NTRK2: variants seen among roughly 807,000 people sequenced by gnomAD.
NTRK2 encodes the protein BDNF/NT-3 growth factors receptor.
NTRK2 carries 13 observed loss-of-function variants against 94.5 expected under a neutral mutation model. The observed-to-expected ratio is 0.14, with a 90% CI of 0.09 to 0.22. The LOEUF is 0.22. Ranked by LOEUF, NTRK2 falls within the 10% of genes least tolerant of loss-of-function variation. The pLI is 1.00. For synonymous variants in NTRK2, 372 were observed against 407.4 expected (o/e 0.91, Z 1.05); for missense variants, 639 against 1,071.2 (o/e 0.60, Z 5.63).
chr9:84,709,696 G>T (rs1168656025), intron 5 of NTRK2, among the ~76,000 whole-genome samples: 1 of 152,146 alleles, frequency 6.6e-6, no homozygotes, highest in Admixed American at 6.5e-5. Context: ...TCTATGTAAC[G>T]ATTTTAAATG....
At chr9:84,872,312 C>G in intron 14 of NTRK2, 1 of 1,109,778 alleles carries the variant, frequency 9.0e-7, no homozygotes, top group Non-Finnish European at 1.1e-6. Context: ...CAAACAGAAA[C>G]AAAACATACT....
rs1188873587 is a variant in NTRK2 at position 84,973,510 on chromosome 9, A to G, written c.2172+17993A>G. Among the ~76,000 whole-genome samples the G allele has an allele frequency of 2.0e-5, 3 of 152,328 alleles. No individual in the cohort carries two copies. The East Asian group carries it at 5.8e-4, about 29-fold the overall frequency. On this transcript the variant is annotated intron_variant, in intron 17 of 18. Coordinates refer to ENST00000277120, the MANE Select transcript of NTRK2 (RefSeq NM_006180.6). The stretch of plus-strand genomic sequence containing the variant: ...CCTTGAACAGGTTCCTCATTCTCAA[A>G]AACAGACCCCAAAACCCTTTCAAAT...
intron 12 of NTRK2, among the ~76,000 whole-genome samples, chr9:84,825,495 T>C (rs146296893): frequency 9.9e-5 from 15 of 152,276 alleles, no homozygotes; most frequent in Middle Eastern, 3.4e-3. Flanking sequence ...CCTCAACTTA[T>C]TGATTGGGTG....
chr9:84,725,682 G>A (rs927746717), intron 8 of NTRK2, among the ~76,000 whole-genome samples: 4 of 148,494 alleles, frequency 2.7e-5, no homozygotes, highest in African/African-American at 9.8e-5. Flanking sequence ...ATATGCATAT[G>A]TATAATATAT....
rs560379787 is a variant in NTRK2, at chr9:84,777,000, T to C, written c.1396+24915T>C. Among the ~76,000 whole-genome samples, 4 of 152,326 alleles carry C rather than the reference T, an allele frequency of 2.6e-5. No homozygotes were observed. In the South Asian group the frequency reaches 8.3e-4, roughly 32 times the overall value. On this transcript the variant is annotated intron_variant, in intron 12 of 18. Coordinates refer to ENST00000277120, the MANE Select transcript of NTRK2 (RefSeq NM_006180.6). ...CTCCTAATAGGTATTAGAACATCTT[T>C]ATCATTGGGTTTTAGGACCAATAAA...
rs1588044706 is a variant in NTRK2 at position 84,957,688 on chromosome 9, C to G, written c.2172+2171C>G. Among the ~76,000 whole-genome samples the G allele has an allele frequency of 2.6e-5, 4 of 152,272 alleles. No homozygotes were observed. In the South Asian group the frequency reaches 8.3e-4, roughly 32 times the overall value. On this transcript the variant is annotated intron_variant, in intron 17 of 18. Transcript: ENST00000277120. ...GCTTTGGAAAACCGTTTGGTAGTTC[C>G]TCAAAATGTTCAACATAGAGTTACC...
chr9:84,684,275 T>C (rs921030850), intron 2 of NTRK2, among the ~76,000 whole-genome samples: 2 of 152,232 alleles, frequency 1.3e-5, no homozygotes, highest in Admixed American at 1.3e-4. Context: ...TGCCCATGCA[T>C]ATACCTGAAT....
At chr9:84,948,391 T>C in intron 15 of NTRK2, 71 bp from the exon 16 acceptor site, 1 of 1,487,282 alleles carries the variant, frequency 6.7e-7, no homozygotes, top group Non-Finnish European at 9.3e-7. Context: ...ACAAATGAGA[T>C]GGATGTCTTT....
chr9:84,856,347 T>G (rs1403001683), intron 12 of NTRK2, among the ~76,000 whole-genome samples: 1 of 152,168 alleles, frequency 6.6e-6, no homozygotes, highest in East Asian at 1.9e-4. Context: ...CAAATTGAAG[T>G]GGAAACTTGG....
intron 17 of NTRK2, among the ~76,000 whole-genome samples, chr9:84,970,037 T>A (rs1417235502): frequency 2.6e-5 from 4 of 152,228 alleles, no homozygotes; most frequent in Non-Finnish European, 5.9e-5. Context: ...CACCTCTTAC[T>A]ATTTTTGTGA....
At chr9:84,796,689 G>C (rs895123279) in intron 12 of NTRK2, among the ~76,000 whole-genome samples, 1 of 152,108 alleles carries the variant, frequency 6.6e-6, no homozygotes, top group Non-Finnish European at 1.5e-5. Context: ...AATTTAGTGA[G>C]GAATTGGGTT....
chr9:84,881,149 G>C (rs1433974452), intron 14 of NTRK2, among the ~76,000 whole-genome samples: 1 of 152,162 alleles, frequency 6.6e-6, no homozygotes, highest in East Asian at 1.9e-4. Flanking sequence ...TTTCCCTGGG[G>C]TGGGGGTTAT....
chr9:84,761,564 A>G (rs2065566822), intron 12 of NTRK2, among the ~76,000 whole-genome samples: 1 of 152,214 alleles, frequency 6.6e-6, no homozygotes, highest in Non-Finnish European at 1.5e-5. Flanking sequence ...ACCATTATAT[A>G]CAATCACACA....
intron 9 of NTRK2, among the ~76,000 whole-genome samples, chr9:84,729,010 CA>C (rs2062654891): frequency 6.6e-6 from 1 of 152,152 alleles, no homozygotes; most frequent in African/African-American, 2.4e-5. Flanking sequence ...CAAAGTCATG[CA>C]AAGATGACTT....
Position 85,024,779 on chromosome 9 carries a change from T to C in NTRK2, c.*3342T>C. On this transcript the variant is annotated 3_prime_UTR_variant, in exon 19 of 19. Transcript: ENST00000277120. ...TCAGCTAAATTCAGCTAAATTCTTG[T>C]ACACTGAACCAATGTCATAATCAGG... 4.3e-6 allele frequency: 1 copy of C among 233,134 alleles called. No individual in the cohort carries two copies. Among genetic ancestry groups the C allele is most frequent in the Non-Finnish European group, 8.5e-6 (1 of 117,972 alleles). 14.4% of individuals were successfully genotyped at this position (233,134 alleles called of 1,614,324 possible).
chr9:84,784,622 A>G (rs1288930309), intron 12 of NTRK2, among the ~76,000 whole-genome samples: 1 of 152,222 alleles, frequency 6.6e-6, no homozygotes, highest in African/African-American at 2.4e-5. Flanking sequence ...CTCTGTGCTT[A>G]TTTAAAACTC....
intron 12 of NTRK2, among the ~76,000 whole-genome samples, chr9:84,837,824 GATGCCATGTCAT>G (rs2073962393): frequency 6.6e-6 from 1 of 152,126 alleles, no homozygotes; most frequent in Non-Finnish European, 1.5e-5. Context: ...ATATGCTAAA[GATGCCATGTCAT>G]ATACCAACAG....
intron 2 of NTRK2, among the ~76,000 whole-genome samples, chr9:84,682,991 A>G (rs1405867154): frequency 1.3e-5 from 2 of 152,198 alleles, no homozygotes; most frequent in African/African-American, 4.8e-5. Flanking sequence ...AGAAGGCACA[A>G]ATAAGCTCTC....
chr9:84,755,613 A>G (rs1271232863), intron 12 of NTRK2, among the ~76,000 whole-genome samples: 1 of 133,724 alleles, frequency 7.5e-6, no homozygotes, highest in Non-Finnish European at 1.5e-5. Context: ...GTTTTGTCTC[A>G]GGGTATGTAG....
Sources: gnomAD v4.1 joint callset for allele counts (sites outside exome capture counted in the v4.1 genomes callset) on GRCh38, gnomAD v4.1.1 for gene constraint, MANE v1.5 for transcripts, NCBI Gene and HGNC (gene_info 2026-07-23, HGNC 2026-07-21) for gene names.